Variants in ZNF189 observed in about 807,000 individuals in gnomAD.
The protein encoded by ZNF189 is zinc finger protein 189.
In ZNF189, 33 loss-of-function variants were observed where a neutral mutation model predicts 53.5. The observed-to-expected ratio is 0.62, with a 90% CI of 0.47 to 0.82. ZNF189 has a LOEUF of 0.82. Among genes scored for constraint, ZNF189 ranks in the 40% least tolerant of loss-of-function variants. The probability of loss-of-function intolerance (pLI) is 0.00; values close to 1 mark genes in which losing one functional copy is unlikely to be tolerated. For missense variants in ZNF189, 711 were observed against 753.9 expected, an observed-to-expected ratio of 0.94 and a Z score of 0.67; for synonymous variants, 247 against 238.8, an observed-to-expected ratio of 1.03 and a Z score of -0.32.
At chr9:101,399,269 C>A in intron 1 of ZNF189, 80 bp downstream of exon 1, 2 of 1,396,712 alleles carry the variant, frequency 1.4e-6, no homozygotes, top group South Asian at 1.3e-5. Flanking sequence ...CTCCCCCAGG[C>A]CCCCCACCAA....
At position 101,405,299 on chromosome 9, in the gene ZNF189, G is replaced by A. The variant is rs753053387; in HGVS notation, c.161-2630G>A. ...ATATATAATGTGTTGGCAGCCTAAA[G>A]ACTGGAGCCAAAGATTATAAGGCAG... On this transcript the variant is annotated intron_variant, in intron 2 of 2. Transcript: ENST00000339664. 1.3e-3 allele frequency among the ~76,000 whole-genome samples: 192 copies of A among 152,298 alleles called. 4 individuals carry two copies. The Middle Eastern group carries it at 0.014, about 11-fold the overall frequency.
intron 2 of ZNF189, among the ~76,000 whole-genome samples, chr9:101,407,152 AT>A (rs1830744964): frequency 6.6e-6 from 1 of 152,098 alleles, no homozygotes; most frequent in African/African-American, 2.4e-5. Flanking sequence ...TTGTCTCTTT[AT>A]ACAGGAGCTG....
chr9:101,409,173 G>A lies in ZNF189; in HGVS notation c.1405G>A (p.Ala469Thr), dbSNP rs770500201. ...ATGTGGGAAAACTTTTAGTGTTAGT[G>A]CTCATCTTGTACAACATCAAAGAAT... ...DECGKTFSVSAHLVQHQRIHT... is the reference protein window; with the variant it reads ...DECGKTFSVSTHLVQHQRIHT... Residue 469 changes from alanine to threonine, a missense_variant, in exon 3 of 3, where the codon GCT (alanine) becomes ACT (threonine). Coordinates refer to ENST00000339664, the MANE Select transcript of ZNF189 (RefSeq NM_003452.4). 6.2e-7 allele frequency: 1 copy of A among 1,613,940 alleles called. No homozygotes were observed. The highest frequency in any genetic ancestry group is 1.7e-5 in the Admixed American group (1 of 60,004).
chr9:101,407,831 C>T, intron 2 of ZNF189, 98 bp from the exon 3 acceptor site: 4 of 1,270,036 alleles, frequency 3.1e-6, no homozygotes, highest in Non-Finnish European at 4.2e-6. Flanking sequence ...ATTAATCCCA[C>T]CTTGACTTTA....
chr9:101,409,786 T>G lies in ZNF189; in HGVS notation c.*137T>G. 1.0e-6 allele frequency: 1 copy of G among 982,518 alleles called. No homozygotes were observed. Among genetic ancestry groups the G allele is most frequent in the Non-Finnish European group, 1.4e-6 (1 of 690,078 alleles). 60.9% of individuals were successfully genotyped at this position (982,518 alleles called of 1,614,324 possible). A position where few individuals can be genotyped will look rare whatever the true frequency, so the allele number is the denominator to read the frequency against. On this transcript the variant is annotated 3_prime_UTR_variant, in exon 3 of 3. Coordinates refer to ENST00000339664, the MANE Select transcript of ZNF189 (RefSeq NM_003452.4). ...AGGCAAATAGTTTCTAAAGATTCTG[T>G]GAATAGTGGACAACTGCCCATGAGC...
At position 101,410,581 on chromosome 9, in the gene ZNF189, G is replaced by T. The variant is rs1830904314; in HGVS notation, c.*932G>T. ...AAAAATCCTTATTTCTTGTTCTAGGGCTTCCCTTAGTTAATGGTTATTATA... is the reference window on the plus strand; with the variant it reads ...AAAAATCCTTATTTCTTGTTCTAGGTCTTCCCTTAGTTAATGGTTATTATA... On this transcript the variant is annotated 3_prime_UTR_variant, in exon 3 of 3. Transcript: ENST00000339664. 6.6e-6 allele frequency: 1 copy of T among 152,114 alleles called. No homozygotes were observed. Among genetic ancestry groups the T allele is most frequent in the South Asian group, 2.1e-4 (1 of 4,826 alleles). 9.4% of individuals were successfully genotyped at this position (152,114 alleles called of 1,614,324 possible).
rs146668775 is a variant in ZNF189, at chr9:101,408,244, G to C, written c.476G>C (p.Arg159Pro). The change falls in exon 3 of 3, where the codon CGC becomes CCC. Residue 159 changes from arginine (R) to proline (P), a missense_variant. By Grantham distance (103) the Arg-to-Pro change is moderately radical. Coordinates refer to ENST00000339664, the MANE Select transcript of ZNF189 (RefSeq NM_003452.4). Reference protein sequence around the residue: ...KCEECGKGFVRKAHFIQHQRV... With the variant: ...KCEECGKGFVPKAHFIQHQRV... ...GAAGAATGTGGAAAGGGTTTTGTCC[G>C]CAAGGCCCATTTCATTCAACATCAA... 2 of 1,614,150 alleles carry C rather than the reference G, an allele frequency of 1.2e-6. No homozygotes were observed. The highest frequency in any genetic ancestry group is 1.7e-5 in the Admixed American group (1 of 60,014).
At position 101,405,142 on chromosome 9, in the gene ZNF189, T is replaced by C. The variant is rs371175359; in HGVS notation, c.161-2787T>C. Among the ~76,000 whole-genome samples, 4 of 152,314 alleles carry C rather than the reference T, an allele frequency of 2.6e-5. No individual in the cohort carries two copies. The East Asian group carries it at 7.7e-4, about 29-fold the overall frequency. On this transcript the variant is annotated intron_variant, in intron 2 of 2. Transcript: ENST00000339664. ...GGAACATGACTTGAGGCTTAGAGAC[T>C]GTGTCATGAAGAGTTGTATCATAGC...
intron 1 of ZNF189, 149 bp from the exon 2 acceptor site, chr9:101,399,735 G>T: frequency 7.4e-7 from 1 of 1,347,168 alleles, no homozygotes; most frequent in Non-Finnish European, 1.0e-6. Flanking sequence ...GTTACAGTTC[G>T]TTCCCAGAAT....
intron 2 of ZNF189, among the ~76,000 whole-genome samples, chr9:101,404,091 G>A (rs1830630437): frequency 6.6e-6 from 1 of 152,304 alleles, no homozygotes; most frequent in East Asian, 1.9e-4. Context: ...CATGACCACA[G>A]GATGGGAAGA....
At chr9:101,406,244 T>C (rs1830706960) in intron 2 of ZNF189, among the ~76,000 whole-genome samples, 1 of 152,102 alleles carries the variant, frequency 6.6e-6, no homozygotes, top group Admixed American at 6.5e-5. Context: ...TTTTCAATGC[T>C]TGGCTTTCAT....
Position 101,408,816 on chromosome 9 carries a change from G to A in ZNF189, c.1048G>A (p.Gly350Arg). Residue 350 changes from glycine to arginine, a missense_variant, in exon 3 of 3, where the codon GGA becomes AGA. Gly to Arg is a moderately radical substitution (Grantham distance 125). Transcript: ENST00000339664. The part of the protein sequence containing the change: ...GEKPFLCIEC[G>R]KSFSRSSFLI... ...GAAGCCTTTTCTTTGTATTGAGTGT[G>A]GAAAAAGTTTCAGTCGGAGCTCATT... The A allele has an allele frequency of 6.2e-7, 1 of 1,614,088 alleles. No homozygotes were observed. Among genetic ancestry groups the A allele is most frequent in the Non-Finnish European group, 8.5e-7 (1 of 1,180,022 alleles).
At chr9:101,399,691 T>A (rs915442248) in intron 1 of ZNF189, among the ~76,000 whole-genome samples, 193 bp from the exon 2 acceptor site, 1 of 152,236 alleles carries the variant, frequency 6.6e-6, no homozygotes, top group African/African-American at 2.4e-5. Context: ...AAAAGCCTTA[T>A]CCGTAGGTCC....
chr9:101,401,837 G>A (rs780736096), intron 2 of ZNF189, among the ~76,000 whole-genome samples: 1 of 152,018 alleles, frequency 6.6e-6, no homozygotes, highest in Admixed American at 6.6e-5. Flanking sequence ...TGCATTCTCA[G>A]ACTTCCCCTC....
At chr9:101,400,418 C>A (rs1015722537) in intron 2 of ZNF189, among the ~76,000 whole-genome samples, 1 of 152,178 alleles carries the variant, frequency 6.6e-6, no homozygotes, top group Non-Finnish European at 1.5e-5. Context: ...GCTGCTTATT[C>A]TCCCACATCC....
At chr9:101,406,305 G>T (rs1383267071) in intron 2 of ZNF189, among the ~76,000 whole-genome samples, 2 of 152,120 alleles carry the variant, frequency 1.3e-5, no homozygotes, top group Admixed American at 1.3e-4. Context: ...TTATGTAATG[G>T]TAGGAAAGTG....
Position 101,408,218 on chromosome 9 carries a change from TGAA to T in ZNF189, c.454_456del (p.Glu152del), listed in dbSNP as rs767135764. The T allele has an allele frequency of 1.9e-6, 3 of 1,614,152 alleles. No homozygotes were observed. The Admixed American group carries it at 5.0e-5, about 27-fold the overall frequency. ...ACTCAGAAGAGAAATGCCATAAATGTGAAGAATGTGGAAAGGGTTTTGTCCGCA... is the reference window on the plus strand; with the variant it reads ...ACTCAGAAGAGAAATGCCATAAATGTGAATGTGGAAAGGGTTTTGTCCGCA... On this transcript the variant is annotated inframe_deletion, in exon 3 of 3. Transcript: ENST00000339664.
rs376452157 is a variant in ZNF189, at chr9:101,399,204, C to G, written c.33+15C>G. 6.3e-7 allele frequency: 1 copy of G among 1,578,596 alleles called. No individual in the cohort carries two copies. Among genetic ancestry groups the G allele is most frequent in the Non-Finnish European group, 8.7e-7 (1 of 1,152,844 alleles). ...CGGAGTCGAAGGTAAGTAAGCACCC[C>G]CCCGGGGATCCCGGTTGTCTCGCCG... is the stretch of plus-strand genomic sequence containing the variant. On this transcript the variant is annotated intron_variant, in intron 1 of 2. Coordinates refer to ENST00000339664, the MANE Select transcript of ZNF189 (RefSeq NM_003452.4).
At position 101,409,540 on chromosome 9, in the gene ZNF189, C is replaced by T; in HGVS notation, c.1772C>T (p.Ala591Val). The change falls in exon 3 of 3, where the codon GCA becomes GTA. Residue 591 changes from alanine to valine, a missense_variant. Physicochemically the swap from Ala to Val is moderately conservative, Grantham distance 64 (BLOSUM62 0). Transcript: ENST00000339664. Reference protein sequence around the residue: ...RSLVNHQKIHAEVKTQETHEC... With the variant: ...RSLVNHQKIHVEVKTQETHEC... ...CTTGTCAACCATCAGAAGATCCATG[C>T]AGAGGTGAAAACCCAAGAAACCCAT... 2 of 1,614,044 alleles carry T rather than the reference C, an allele frequency of 1.2e-6. No homozygotes were observed. Among genetic ancestry groups the T allele is most frequent in the African/African-American group, 1.3e-5 (1 of 75,038 alleles).
Sources: gnomAD v4.1 joint callset for allele counts (sites outside exome capture counted in the v4.1 genomes callset) on GRCh38, gnomAD v4.1.1 for gene constraint, MANE v1.5 for transcripts, NCBI Gene and HGNC (gene_info 2026-07-23, HGNC 2026-07-21) for gene names.